The following SNTG2 variants were observed in gnomAD, a reference collection of about 807,000 sequenced individuals.
SNTG2 encodes the protein gamma-2-syntrophin.
Under a neutral mutation model 70.9 loss-of-function variants are expected in SNTG2, and 74 were observed. The ratio of observed to expected loss-of-function variants is 1.04; its 90% CI spans 0.86 to 1.27. The LOEUF (loss-of-function observed/expected upper bound fraction) is 1.27. SNTG2 is among the 50% of genes most tolerant of loss of function. SNTG2 has a pLI of 0.00. For missense variants in SNTG2, 717 were observed against 690.7 expected, an observed-to-expected ratio of 1.04 and a Z score of -0.43; for synonymous variants, 278 against 273.8, an observed-to-expected ratio of 1.02 and a Z score of -0.15.
intron 1 of SNTG2, among the ~76,000 whole-genome samples, chr2:1,011,300 C>T (rs952528991): frequency 3.9e-5 from 6 of 152,234 alleles, no homozygotes; most frequent in Non-Finnish European, 7.3e-5. Flanking sequence ...TTTCTGGTTA[C>T]ACAGATAAGC....
At chr2:1,021,936 C>CT (rs71392556) in intron 1 of SNTG2, among the ~76,000 whole-genome samples, 3,737 of 121,052 alleles carry the variant, frequency 0.031, 112 homozygotes, top group Middle Eastern at 0.08. Flanking sequence ...GTTTTATGTG[C>CT]TTTTTTTTTT....
intron 1 of SNTG2, among the ~76,000 whole-genome samples, chr2:954,947 A>G (rs1558275826): frequency 6.6e-6 from 1 of 152,266 alleles, no homozygotes; most frequent in Non-Finnish European, 1.5e-5. Context: ...TTTACATCCT[A>G]TAAATATGAT....
At chr2:1,286,097 C>T (rs1679753317) in intron 14 of SNTG2, among the ~76,000 whole-genome samples, 1 of 152,168 alleles carries the variant, frequency 6.6e-6, no homozygotes, top group Admixed American at 6.5e-5. Context: ...TCTTAACTTC[C>T]AGTTTAATGG....
chr2:1,261,778 G>C (rs1276819857), intron 13 of SNTG2, among the ~76,000 whole-genome samples: 1 of 152,172 alleles, frequency 6.6e-6, no homozygotes, highest in Non-Finnish European at 1.5e-5. Flanking sequence ...ATGTCCTTGA[G>C]TTAATTCTCT....
intron 1 of SNTG2, among the ~76,000 whole-genome samples, chr2:1,026,281 A>G (rs192177386): frequency 1.3e-5 from 2 of 152,314 alleles, no homozygotes; most frequent in African/African-American, 4.8e-5. Flanking sequence ...CAGACTCTCA[A>G]TTGGCGTTCC....
At chr2:1,267,902 C>T (rs1409130774) in intron 14 of SNTG2, among the ~76,000 whole-genome samples, 2 of 152,134 alleles carry the variant, frequency 1.3e-5, no homozygotes, top group African/African-American at 4.8e-5. Context: ...AGCCTGTGCT[C>T]CGGGAGACAG....
At chr2:955,447 A>G (rs185498623) in intron 1 of SNTG2, among the ~76,000 whole-genome samples, 2 of 152,280 alleles carry the variant, frequency 1.3e-5, no homozygotes, top group East Asian at 3.9e-4. Context: ...TCTTGTTTTT[A>G]TTTGGACCCC....
intron 13 of SNTG2, among the ~76,000 whole-genome samples, chr2:1,260,269 G>T (rs1202009378): frequency 6.6e-6 from 1 of 152,124 alleles, no homozygotes; most frequent in Non-Finnish European, 1.5e-5. Context: ...TCTATCTGTA[G>T]TTGCTTTATT....
chr2:1,297,986 T>A (rs1680295929), intron 14 of SNTG2, among the ~76,000 whole-genome samples: 1 of 152,140 alleles, frequency 6.6e-6, no homozygotes, highest in South Asian at 2.1e-4. Context: ...TGCCCAGGGC[T>A]CTATGTGTTA....
intron 9 of SNTG2, among the ~76,000 whole-genome samples, chr2:1,225,639 G>A (rs1310127237): frequency 1.3e-5 from 2 of 152,308 alleles, no homozygotes; most frequent in East Asian, 1.9e-4. Context: ...TCATTCCTGT[G>A]CACACTCAGT....
chr2:976,249 G>A (rs1405545880), intron 1 of SNTG2, among the ~76,000 whole-genome samples: 2 of 152,178 alleles, frequency 1.3e-5, no homozygotes, highest in East Asian at 3.8e-4. Flanking sequence ...TATCAATTCT[G>A]TAAAATTTTA....
chr2:1,296,928 A>T (rs977685496), intron 14 of SNTG2, among the ~76,000 whole-genome samples: 15 of 152,218 alleles, frequency 9.9e-5, no homozygotes, highest in Non-Finnish European at 2.1e-4. Flanking sequence ...CAGATACAGG[A>T]CACAGAAAAT....
At chr2:951,139 G>T (rs554356758) in intron 1 of SNTG2, 71 bp downstream of exon 1, 18 of 633,918 alleles carry the variant, frequency 2.8e-5, no homozygotes, top group Non-Finnish European at 2.9e-5. Context: ...TTCTCCCCCC[G>T]CCCCTCCTCC....
chr2:1,090,857 T>A (rs1664974596), intron 2 of SNTG2, among the ~76,000 whole-genome samples: 1 of 152,206 alleles, frequency 6.6e-6, no homozygotes, highest in African/African-American at 2.4e-5. Flanking sequence ...TGTCTTGAAG[T>A]GTGCATGCTT....
intron 6 of SNTG2, among the ~76,000 whole-genome samples, chr2:1,158,780 G>A (rs548089595): frequency 1.8e-4 from 28 of 152,290 alleles, no homozygotes; most frequent in Non-Finnish European, 3.5e-4. Context: ...AAGAGAGAGC[G>A]CTGTCGTTGC....
At chr2:1,196,748 A>G (rs6738385) in intron 8 of SNTG2, among the ~76,000 whole-genome samples, 1 of 151,876 alleles carries the variant, frequency 6.6e-6, no homozygotes, top group Non-Finnish European at 1.5e-5. Flanking sequence ...AAAGAAAAAA[A>G]ACACTTCTAG....
intron 16 of SNTG2, among the ~76,000 whole-genome samples, chr2:1,338,479 T>C: frequency 6.6e-6 from 1 of 152,336 alleles, no homozygotes; most frequent in East Asian, 1.9e-4. Flanking sequence ...TCTTAATTTC[T>C]TTTTCAGATT....
chr2:998,398 C>A (rs761522757), intron 1 of SNTG2, among the ~76,000 whole-genome samples: 1 of 150,446 alleles, frequency 6.6e-6, no homozygotes, highest in Non-Finnish European at 1.5e-5. Context: ...AGAAAGAAAT[C>A]GGAAAAAAAT....
chr2:1,202,431 C>A (rs931695814), intron 8 of SNTG2, among the ~76,000 whole-genome samples: 4 of 151,562 alleles, frequency 2.6e-5, no homozygotes, highest in African/African-American at 4.9e-5. Flanking sequence ...ATATTATGAC[C>A]CCTACAGTCA....
Sources: allele counts gnomAD v4.1 joint callset (sites outside exome capture counted in the v4.1 genomes callset), GRCh38; gene constraint gnomAD v4.1.1; transcripts MANE v1.5; gene names NCBI Gene and HGNC (gene_info 2026-07-23, HGNC 2026-07-21).